Variants in ARID1B observed in about 807,000 individuals in gnomAD.
ARID1B encodes AT-rich interactive domain-containing protein 1B.
Under a neutral mutation model 212.3 loss-of-function variants are expected in ARID1B, and 30 were observed. That is an observed-to-expected ratio of 0.14 (90% CI 0.11 to 0.19). The LOEUF is 0.19. Ranked by LOEUF, ARID1B falls within the 10% of genes least tolerant of loss-of-function variation. The pLI, the probability that ARID1B is intolerant of heterozygous loss-of-function variation, is 1.00. For synonymous variants in ARID1B, 1,402 were observed against 1,301.7 expected, an observed-to-expected ratio of 1.08 and a Z score of -1.66; for missense variants, 2,891 against 3,204.0, an observed-to-expected ratio of 0.90 and a Z score of 2.36.
intron 2 of ARID1B, among the ~76,000 whole-genome samples, chr6:156,897,243 C>CTTATTATTATTATTA (rs1284725803): frequency 9.7e-6 from 1 of 103,620 alleles, no homozygotes; most frequent in African/African-American, 3.6e-5. Flanking sequence ...TCTTCTTCTT[C>CTTATTATTATTATTA]TTCTTCTTCT....
At chr6:157,008,739 G>T (rs1166120081) in intron 4 of ARID1B, among the ~76,000 whole-genome samples, 1 of 152,058 alleles carries the variant, frequency 6.6e-6, no homozygotes, top group Non-Finnish European at 1.5e-5. Context: ...GAGACCTCTG[G>T]GTACGGGATC....
chr6:156,954,684 T>C (rs1404725023), intron 4 of ARID1B, among the ~76,000 whole-genome samples: 1 of 152,240 alleles, frequency 6.6e-6, no homozygotes, highest in Non-Finnish European at 1.5e-5. Context: ...TTTTAAATCC[T>C]GGTTCTACTT....
intron 7 of ARID1B, among the ~76,000 whole-genome samples, chr6:157,139,444 C>A (rs918114288): frequency 6.6e-5 from 10 of 152,208 alleles, no homozygotes; most frequent in Admixed American, 5.9e-4. Flanking sequence ...CACCAGGCAC[C>A]CTGGAGAAGG....
intron 4 of ARID1B, among the ~76,000 whole-genome samples, chr6:157,073,888 C>T (rs1784139407): frequency 1.3e-5 from 2 of 152,212 alleles, no homozygotes; most frequent in African/African-American, 4.8e-5. Flanking sequence ...TTAACTCTCT[C>T]AACACTGTGA....
intron 1 of ARID1B, among the ~76,000 whole-genome samples, chr6:156,801,137 G>T (rs1583064450): frequency 6.6e-6 from 1 of 151,068 alleles, no homozygotes; most frequent in African/African-American, 2.4e-5. Flanking sequence ...CTTAGCAAGT[G>T]TAGAATGTGA....
At chr6:156,808,222 C>G (rs188435287) in intron 1 of ARID1B, among the ~76,000 whole-genome samples, 3 of 152,062 alleles carry the variant, frequency 2.0e-5, no homozygotes, top group Non-Finnish European at 2.9e-5. Flanking sequence ...TTATTTTTCC[C>G]GAAGTTATTT....
chr6:156,840,904 G>A (rs1296616758), intron 2 of ARID1B, among the ~76,000 whole-genome samples: 1 of 152,204 alleles, frequency 6.6e-6, no homozygotes, highest in Non-Finnish European at 1.5e-5. Context: ...TGCACTGGGT[G>A]TAATACCTCA....
At chr6:156,902,952 C>T (rs1205877493) in intron 3 of ARID1B, among the ~76,000 whole-genome samples, 1 of 152,002 alleles carries the variant, frequency 6.6e-6, no homozygotes, top group African/African-American at 2.4e-5. Context: ...CCTTATTGAA[C>T]TTATCTGTAG....
At chr6:157,158,748 G>A (rs1790727325) in intron 8 of ARID1B, among the ~76,000 whole-genome samples, 1 of 152,134 alleles carries the variant, frequency 6.6e-6, no homozygotes, top group Admixed American at 6.5e-5. Context: ...GGGATGTCCT[G>A]GAATAAAGGA....
In ARID1B at chr6:156,909,367, A is replaced by G. The variant is rs914490120; in HGVS notation, c.2136+7842A>G. On this transcript the variant is annotated intron_variant, in intron 3 of 19. Transcript: ENST00000636930. ...TCTTGAACTCCTGACCTTGTGATCC[A>G]CCTGCCTCGGCCTCCCAGAGTGCTG... is the stretch of plus-strand genomic sequence containing the variant. 6.6e-5 allele frequency among the ~76,000 whole-genome samples: 10 copies of G among 151,950 alleles called. No homozygotes were observed. The South Asian group carries it at 1.7e-3, about 25-fold the overall frequency.
intron 2 of ARID1B, among the ~76,000 whole-genome samples, chr6:156,831,450 G>A (rs895178878): frequency 6.6e-6 from 1 of 152,226 alleles, no homozygotes; most frequent in South Asian, 2.1e-4. Context: ...GCAAGCAGCC[G>A]GATCTCCCTG....
At chr6:156,810,766 A>G (rs919442878) in intron 1 of ARID1B, among the ~76,000 whole-genome samples, 1 of 152,204 alleles carries the variant, frequency 6.6e-6, no homozygotes, top group Non-Finnish European at 1.5e-5. Flanking sequence ...ACCAACACCA[A>G]TATTTTGCAC....
Position 157,198,858 on chromosome 6 carries a change from G to T in ARID1B, c.4430G>T (p.Gly1477Val). 6.2e-7 allele frequency: 1 copy of T among 1,611,292 alleles called. No homozygotes were observed. Residue 1477 changes from glycine (G) to valine (V), a missense_variant, in exon 17 of 20, where the codon GGA (glycine) becomes GTA (valine). This residue lies in a region of ARID1B where 666 missense variants were observed against 873.5 expected (regional missense o/e 0.76). Transcript: ENST00000636930. ...QQYPGQGPPS[G>V]QPPYGGHQPG... ...TATCCAGGCCAAGGCCCTCCCTCGG[G>T]ACAGCCGCCGTATGGAGGGCACCAG...
intron 4 of ARID1B, among the ~76,000 whole-genome samples, chr6:157,020,993 T>C (rs1007390382): frequency 2.0e-5 from 3 of 152,240 alleles, no homozygotes; most frequent in African/African-American, 4.8e-5. Flanking sequence ...CGGAAACTTT[T>C]AGCGCTTGCC....
At chr6:157,184,588 G>A (rs1309975620) in intron 13 of ARID1B, 153 bp downstream of exon 13, 6 of 852,336 alleles carry the variant, frequency 7.0e-6, no homozygotes, top group African/African-American at 1.7e-5. Context: ...TTAATTGGAC[G>A]CCCACTGGCA....
chr6:157,083,494 G>A (rs1350991421), intron 4 of ARID1B, among the ~76,000 whole-genome samples: 2 of 152,240 alleles, frequency 1.3e-5, no homozygotes, highest in South Asian at 2.1e-4. Flanking sequence ...CTTTGTCTGC[G>A]TCCTCTTCTG....
At chr6:157,146,373 C>T (rs1341585192) in intron 7 of ARID1B, among the ~76,000 whole-genome samples, 1 of 152,166 alleles carries the variant, frequency 6.6e-6, no homozygotes, top group East Asian at 1.9e-4. Context: ...TAAGGTCCTA[C>T]AGGCAGGCAG....
chr6:156,987,173 G>C (rs1048811967), intron 4 of ARID1B, among the ~76,000 whole-genome samples: 18 of 150,574 alleles, frequency 1.2e-4, no homozygotes, highest in African/African-American at 4.5e-4. Context: ...GAGAGAGAGA[G>C]AGAGAGAGAG....
chr6:156,955,379 C>T lies in ARID1B; in HGVS notation c.2247+19803C>T, dbSNP rs891546318. Among the ~76,000 whole-genome samples, 22 of 152,140 alleles carry T rather than the reference C, an allele frequency of 1.4e-4. No individual in the cohort carries two copies. The highest frequency in any genetic ancestry group is 5.3e-4 in the African/African-American group (22 of 41,426). ...TCCAGGCCATACATTACATATTAAC[C>T]ACAATCCTGTCCTAGAGACTTTATC... On this transcript the variant is annotated intron_variant, in intron 4 of 19. Transcript: ENST00000636930. This position sits in a 1 kb window ranked among gnomAD's most constrained non-coding sequence, Gnocchi z 4.2.
Sources: allele counts gnomAD v4.1 joint callset (sites outside exome capture counted in the v4.1 genomes callset), GRCh38; gene constraint gnomAD v4.1.1; regional missense constraint gnomAD v4.1.1; non-coding constraint Gnocchi (gnomAD v3.1); transcripts MANE v1.5; gene names NCBI Gene and HGNC (gene_info 2026-07-23, HGNC 2026-07-21).